The following FOXP2 variants were observed in gnomAD, a reference collection of about 807,000 sequenced individuals.
FOXP2 encodes forkhead box P2.
Under a neutral mutation model 115.8 loss-of-function variants are expected in FOXP2, and 12 were observed. The observed-to-expected ratio is 0.10, with a 90% confidence interval of 0.07 to 0.17. The LOEUF is 0.17. Among genes scored for constraint, FOXP2 ranks in the 10% least tolerant of loss-of-function variants. The pLI is 1.00. For synonymous variants in FOXP2, 328 were observed against 297.7 expected (o/e 1.10, Z -1.05); for missense variants, 629 against 843.5 (o/e 0.75, Z 3.15).
chr7:114,565,484 C>G (rs1800971787), intron 3 of FOXP2, among the ~76,000 whole-genome samples: 1 of 152,176 alleles, frequency 6.6e-6, no homozygotes, highest in East Asian at 1.9e-4. Context: ...ATGCATATCC[C>G]TGGACGCTAT....
intron 3 of FOXP2, among the ~76,000 whole-genome samples, chr7:114,580,906 G>A (rs7801868): frequency 5.0e-4 from 76 of 152,112 alleles, no homozygotes; most frequent in African/African-American, 1.7e-3. Context: ...GGAGACTAGA[G>A]TCCCATAATT....
intron 2 of FOXP2, among the ~76,000 whole-genome samples, chr7:114,333,011 G>A (rs563157840): frequency 6.6e-6 from 1 of 152,256 alleles, no homozygotes; most frequent in African/African-American, 2.4e-5. Context: ...AGAAAAAAAT[G>A]TTAGGATACT....
chr7:114,206,518 T>C (rs1383972503), intron 1 of FOXP2, among the ~76,000 whole-genome samples: 6 of 152,168 alleles, frequency 3.9e-5, no homozygotes, highest in Non-Finnish European at 8.8e-5. Flanking sequence ...CATAGAGGCC[T>C]TCCACGACAA....
At chr7:114,141,726 C>T (rs565474999) in intron 1 of FOXP2, among the ~76,000 whole-genome samples, 1 of 152,128 alleles carries the variant, frequency 6.6e-6, no homozygotes, top group South Asian at 2.1e-4. Flanking sequence ...ACCACCACAG[C>T]AGTAGTGGCT....
intron 3 of FOXP2, among the ~76,000 whole-genome samples, chr7:114,535,699 A>G (rs1799355337): frequency 6.6e-6 from 1 of 151,560 alleles, no homozygotes; most frequent in Non-Finnish European, 1.5e-5. Flanking sequence ...GTTATTACCT[A>G]AAAACTGGAT....
chr7:114,221,932 G>A (rs1487519473), intron 1 of FOXP2, among the ~76,000 whole-genome samples: 1 of 151,960 alleles, frequency 6.6e-6, no homozygotes, highest in Non-Finnish European at 1.5e-5. Flanking sequence ...ATTCCATCAA[G>A]CCACTGACTG....
At chr7:114,261,761 C>A (rs796593600) in intron 1 of FOXP2, among the ~76,000 whole-genome samples, 68 of 152,254 alleles carry the variant, frequency 4.5e-4, no homozygotes, top group African/African-American at 1.5e-3. Context: ...ACATTATCTT[C>A]TATCCTTAGA....
intron 1 of FOXP2, among the ~76,000 whole-genome samples, chr7:114,109,584 AGT>A (rs1430408778): frequency 5.9e-5 from 9 of 152,116 alleles, no homozygotes; most frequent in Admixed American, 5.9e-4. Context: ...GAAATCAAGA[AGT>A]GTTAGTCACT....
intron 1 of FOXP2, among the ~76,000 whole-genome samples, chr7:114,207,966 G>GCCTGGACAACATGTGTGAGAGT (rs1794242784): frequency 6.6e-6 from 1 of 152,208 alleles, no homozygotes; most frequent in South Asian, 2.1e-4. Flanking sequence ...TTCAAGACCA[G>GCCTGGACAACATGTGTGAGAGT]CCTGGACAAC....
intron 2 of FOXP2, among the ~76,000 whole-genome samples, chr7:114,432,345 G>A (rs1273545497): frequency 6.6e-6 from 1 of 151,832 alleles, no homozygotes; most frequent in Non-Finnish European, 1.5e-5. Flanking sequence ...ATTTTAATTT[G>A]CCCTTGAGCA....
intron 1 of FOXP2, chr7:114,285,447 GGAGA>G (rs1054478251): frequency 2.6e-5 from 4 of 152,042 alleles, no homozygotes; most frequent in African/African-American, 7.2e-5. Flanking sequence ...GAAGTTTGTG[GGAGA>G]GAAAGGTATG....
At chr7:114,423,174 A>T (rs1584716734) in intron 1 of FOXP2, among the ~76,000 whole-genome samples, 1 of 151,648 alleles carries the variant, frequency 6.6e-6, no homozygotes, top group Non-Finnish European at 1.5e-5. Flanking sequence ...TCTTGCGTAA[A>T]CCTGCATAGC....
At chr7:114,676,197 G>A (rs1374631022) in intron 16 of FOXP2, among the ~76,000 whole-genome samples, 1 of 150,962 alleles carries the variant, frequency 6.6e-6, no homozygotes, top group Non-Finnish European at 1.5e-5. Flanking sequence ...CCAAAGTGCT[G>A]GGATTATAGG....
At chr7:114,513,832 T>A (rs1354257826) in intron 2 of FOXP2, among the ~76,000 whole-genome samples, 1 of 152,090 alleles carries the variant, frequency 6.6e-6, no homozygotes, top group Non-Finnish European at 1.5e-5. Flanking sequence ...ATATTTAGTG[T>A]TAAATTATGC....
chr7:114,159,216 T>C (rs1792758747), upstream of FOXP2, among the ~76,000 whole-genome samples: 1 of 152,032 alleles, frequency 6.6e-6, no homozygotes, highest in Non-Finnish European at 1.5e-5. Context: ...GAAAGAGTGG[T>C]ATCATGCAAA....
intron 2 of FOXP2, among the ~76,000 whole-genome samples, chr7:114,481,793 T>G (rs1167171769): frequency 6.6e-6 from 1 of 150,880 alleles, no homozygotes; most frequent in African/African-American, 2.4e-5. Flanking sequence ...TCTATCTATC[T>G]ATCTATCTAT....
intron 2 of FOXP2, among the ~76,000 whole-genome samples, chr7:114,379,850 G>T (rs1792239546): frequency 6.6e-6 from 1 of 152,166 alleles, no homozygotes; most frequent in African/African-American, 2.4e-5. Context: ...TGCCTAAGTG[G>T]AAGGTTTGAT....
At chr7:114,090,026 T>G (rs1374851810) in intron 1 of FOXP2, among the ~76,000 whole-genome samples, 1 of 152,002 alleles carries the variant, frequency 6.6e-6, no homozygotes, top group East Asian at 1.9e-4. Context: ...ATTTTATTTG[T>G]GACGTTTTTG....
intron 1 of FOXP2, among the ~76,000 whole-genome samples, chr7:114,113,631 G>A (rs1466732186): frequency 6.6e-6 from 1 of 152,036 alleles, no homozygotes. Flanking sequence ...AGCCTCCTGA[G>A]TACCCAGGAC....
Sources: allele counts gnomAD v4.1 joint callset (sites outside exome capture counted in the v4.1 genomes callset), GRCh38; gene constraint gnomAD v4.1.1; transcripts MANE v1.5; gene names NCBI Gene and HGNC (gene_info 2026-07-23, HGNC 2026-07-21).